ANO5: variants seen among roughly 807,000 people sequenced by gnomAD.
ANO5 encodes anoctamin 5.
ANO5 carries 109 observed loss-of-function variants against 121.0 expected under a neutral mutation model. The observed-to-expected ratio is 0.90, with a 90% confidence interval of 0.77 to 1.06. The LOEUF (loss-of-function observed/expected upper bound fraction) is 1.06, where lower values mean the gene tolerates loss of function less well. ANO5 is among the 50% of genes least tolerant of loss of function. The probability of loss-of-function intolerance (pLI) is 0.00; values close to 1 mark genes in which losing one functional copy is unlikely to be tolerated. For missense variants in ANO5, 1,064 were observed against 1,078.5 expected (o/e 0.99, Z 0.19); for synonymous variants, 406 against 359.9 (o/e 1.13, Z -1.45).
At chr11:22,270,898 A>G (rs1454980628) in intron 18 of ANO5, among the ~76,000 whole-genome samples, 1 of 152,184 alleles carries the variant, frequency 6.6e-6, no homozygotes, top group East Asian at 1.9e-4. Context: ...TGTAAGGGAA[A>G]TATAAGCTGA....
Position 22,257,760 on chromosome 11 carries a change from C to A in ANO5, c.1407+6C>A, listed in dbSNP as rs748023499. 33 of 1,604,294 alleles carry A rather than the reference C, an allele frequency of 2.1e-5. No homozygotes were observed. The highest frequency in any genetic ancestry group is 6.7e-5 in the Admixed American group (4 of 59,942). On this transcript the variant is annotated splice_donor_region_variant and intron_variant, in intron 14 of 21. Transcript: ENST00000324559. ...GAGCCACAGTGACATTATGGGTGAG[C>A]ATTTCTTTAAAAATTGCTATAATTT...
At chr11:22,195,203 A>G (rs1851769226) in intron 1 of ANO5, among the ~76,000 whole-genome samples, 1 of 152,160 alleles carries the variant, frequency 6.6e-6, no homozygotes, top group Admixed American at 6.5e-5. Flanking sequence ...AAGTATTTTC[A>G]TATACTTATT....
Position 22,276,208 on chromosome 11 carries a change from T to C in ANO5, c.2520+9T>C, listed in dbSNP as rs1294975239. 1.3e-6 allele frequency: 2 copies of C among 1,589,886 alleles called. No individual in the cohort carries two copies. Among genetic ancestry groups the C allele is most frequent in the Admixed American group, 3.3e-5 (2 of 59,780 alleles). ...TCATCATTGTTATGGAAGTAAGCTG[T>C]TCTTAACTTTCATTCGAGTTACTCT... On this transcript the variant is annotated intron_variant, in intron 21 of 21. Coordinates refer to ENST00000324559, the MANE Select transcript of ANO5 (RefSeq NM_213599.3).
In ANO5 at chr11:22,279,819, G is replaced by A. The variant is rs1855013845; in HGVS notation, c.*54G>A. ...CTGCCTTACTTCACTTTATCCTCTG[G>A]TTTTAGGGCCAGACGCCAGAAGCCA... On this transcript the variant is annotated 3_prime_UTR_variant, in exon 22 of 22. Coordinates refer to ENST00000324559, the MANE Select transcript of ANO5 (RefSeq NM_213599.3). 3 of 1,477,384 alleles carry A rather than the reference G, an allele frequency of 2.0e-6. No individual in the cohort carries two copies. The highest frequency in any genetic ancestry group is 1.2e-5 in the South Asian group (1 of 86,736). 91.5% of individuals were successfully genotyped at this position (1,477,384 alleles called of 1,614,324 possible).
chr11:22,221,050 C>T, intron 4 of ANO5, 47 bp from the exon 5 acceptor site: 1 of 1,381,832 alleles, frequency 7.2e-7, no homozygotes, highest in Non-Finnish European at 1.0e-6. Context: ...TTTGCCATTT[C>T]AGAATAAAAC....
At chr11:22,239,494 G>A in intron 8 of ANO5, 75 bp from the exon 9 acceptor site, 1 of 1,007,656 alleles carries the variant, frequency 9.9e-7, no homozygotes, top group Admixed American at 1.7e-5. Context: ...AACATTCTTA[G>A]AACAGCAGTG....
chr11:22,233,660 T>C lies in ANO5; in HGVS notation c.649-2503T>C, dbSNP rs572750588. 6.6e-5 allele frequency among the ~76,000 whole-genome samples: 10 copies of C among 152,196 alleles called. No individual in the cohort carries two copies. In the South Asian group the frequency reaches 1.0e-3, roughly 16 times the overall value. ...AAGGTGGATGCCTAATGATTTCTCA[T>C]TGAAACTCTTGCAAAAATTGCCCTT... On this transcript the variant is annotated intron_variant, in intron 7 of 21. Coordinates refer to ENST00000324559, the MANE Select transcript of ANO5 (RefSeq NM_213599.3).
chr11:22,270,260 T>A, intron 17 of ANO5, 52 bp from the exon 18 acceptor site: 2 of 1,604,550 alleles, frequency 1.2e-6, no homozygotes, highest in Non-Finnish European at 1.7e-6. Context: ...GATTCTCTGA[T>A]CGCTTTCTTT....
chr11:22,254,836 C>T (rs1181149370), intron 12 of ANO5, among the ~76,000 whole-genome samples: 2 of 152,040 alleles, frequency 1.3e-5, no homozygotes, highest in African/African-American at 4.8e-5. Flanking sequence ...GAGTTCAAGA[C>T]CAGCCTGGGT....
chr11:22,265,851 T>C (rs1207109698), intron 17 of ANO5, among the ~76,000 whole-genome samples: 1 of 152,126 alleles, frequency 6.6e-6, no homozygotes, highest in African/African-American at 2.4e-5. Flanking sequence ...CTACAAACTA[T>C]ATTAATCAAG....
At chr11:22,203,991 C>T in intron 2 of ANO5, 141 bp downstream of exon 2, 1 of 539,534 alleles carries the variant, frequency 1.9e-6, no homozygotes, top group Non-Finnish European at 3.3e-6. Context: ...GTAGCTAAAG[C>T]AAGTTCCATG....
chr11:22,236,527 C>A (rs2133650139), intron 8 of ANO5, among the ~76,000 whole-genome samples: 1 of 152,184 alleles, frequency 6.6e-6, no homozygotes, highest in South Asian at 2.1e-4. Context: ...TTTATTAGAA[C>A]CCATTTTGAA....
intron 9 of ANO5, among the ~76,000 whole-genome samples, chr11:22,247,905 A>C (rs1387155258): frequency 6.6e-6 from 1 of 151,952 alleles, no homozygotes; most frequent in African/African-American, 2.4e-5. Context: ...TTTGATATCC[A>C]TATGTTGTAT....
At chr11:22,228,772 T>C (rs1435550636) in intron 7 of ANO5, among the ~76,000 whole-genome samples, 1 of 151,872 alleles carries the variant, frequency 6.6e-6, no homozygotes, top group African/African-American at 2.4e-5. Context: ...TAATGTCCTC[T>C]AGGTTCATAT....
chr11:22,233,059 C>T (rs1441949531), intron 7 of ANO5, among the ~76,000 whole-genome samples: 2 of 151,996 alleles, frequency 1.3e-5, no homozygotes, highest in African/African-American at 4.8e-5. Flanking sequence ...ATCCTAAATT[C>T]ACCTGGTAAT....
chr11:22,269,814 TTAAAAAAAGTGGTACATTATCA>T (rs1242761089), intron 17 of ANO5, among the ~76,000 whole-genome samples: 1 of 152,214 alleles, frequency 6.6e-6, no homozygotes, highest in Non-Finnish European at 1.5e-5. Flanking sequence ...AAGCCTCTTT[TTAAAAAAAGTGGTACATTATCA>T]TAATATATCA....
At chr11:22,218,133 A>G (rs933853443) in intron 3 of ANO5, 113 bp from the exon 4 acceptor site, 106 of 1,146,024 alleles carry the variant, frequency 9.2e-5, no homozygotes, top group Non-Finnish European at 1.2e-4. Context: ...ACACACACAC[A>G]CACACACTTA....
chr11:22,257,676 A>G lies in ANO5; in HGVS notation c.1333-4A>G, dbSNP rs540561388. ...ATTTCTTTGTGATTTCTTCAATATT[A>G]CAGGAGATGGAACCTTACATGCCTC... On this transcript the variant is annotated splice_region_variant and splice_polypyrimidine_tract_variant and intron_variant, in intron 13 of 21. Coordinates refer to ENST00000324559, the MANE Select transcript of ANO5 (RefSeq NM_213599.3). 5 of 1,605,492 alleles carry G rather than the reference A, an allele frequency of 3.1e-6. No homozygotes were observed. The African/African-American group carries it at 5.3e-5, about 17-fold the overall frequency.
At chr11:22,196,633 G>A (rs144979074) in intron 1 of ANO5, among the ~76,000 whole-genome samples, 8,608 of 152,132 alleles carry the variant, frequency 0.057, 804 homozygotes, top group African/African-American at 0.2. Flanking sequence ...CACTCTGGGA[G>A]GCCGAGGCAG....
Sources: allele counts gnomAD v4.1 joint callset (sites outside exome capture counted in the v4.1 genomes callset), GRCh38; gene constraint gnomAD v4.1.1; transcripts MANE v1.5; gene names NCBI Gene and HGNC (gene_info 2026-07-23, HGNC 2026-07-21).